The following PDZRN4 variants were observed in gnomAD, a reference collection of about 807,000 sequenced individuals.
PDZRN4 encodes PDZ domain containing ring finger 4.
In PDZRN4, 70 loss-of-function variants were observed where a neutral mutation model predicts 99.0. The ratio of observed to expected loss-of-function variants is 0.71; its 90% CI spans 0.58 to 0.86. The LOEUF (loss-of-function observed/expected upper bound fraction) is 0.86. Among genes scored for constraint, PDZRN4 ranks in the 40% least tolerant of loss-of-function variants. PDZRN4 has a pLI of 0.00. For synonymous variants in PDZRN4, 551 were observed against 501.6 expected (o/e 1.10, Z -1.32); for missense variants, 1,474 against 1,331.2 (o/e 1.11, Z -1.67).
At chr12:41,553,517 T>C (rs285583) in intron 6 of PDZRN4, among the ~76,000 whole-genome samples, 130,139 of 151,432 alleles carry the variant, frequency 0.86, 56,400 homozygotes, top group East Asian at 0.97. Context: ...GGAGTTTGAC[T>C]CTGTCTCTAC....
chr12:41,258,096 T>C (rs1951215350), intron 3 of PDZRN4, among the ~76,000 whole-genome samples: 1 of 152,150 alleles, frequency 6.6e-6, no homozygotes. Context: ...CTACTCCCTG[T>C]GTAATAACTT....
At chr12:41,458,570 C>T (rs781164729) in intron 3 of PDZRN4, among the ~76,000 whole-genome samples, 3 of 152,154 alleles carry the variant, frequency 2.0e-5, no homozygotes, top group Non-Finnish European at 4.4e-5. Context: ...CTAAGTAGGG[C>T]AGGAAATTTT....
intron 3 of PDZRN4, among the ~76,000 whole-genome samples, chr12:41,467,100 G>A (rs750038609): frequency 3.3e-5 from 5 of 152,126 alleles, no homozygotes; most frequent in Non-Finnish European, 5.9e-5. Context: ...GCATTACAGC[G>A]CAAAATAGCT....
At chr12:41,433,533 G>A (rs151051229) in intron 3 of PDZRN4, among the ~76,000 whole-genome samples, 2 of 152,318 alleles carry the variant, frequency 1.3e-5, no homozygotes, top group African/African-American at 4.8e-5. Context: ...CTAGAAATTT[G>A]TAAGCCACAT....
chr12:41,384,705 G>A (rs1952154563), intron 3 of PDZRN4, among the ~76,000 whole-genome samples: 1 of 152,096 alleles, frequency 6.6e-6, no homozygotes, highest in Non-Finnish European at 1.5e-5. Flanking sequence ...AGGCAAAAAG[G>A]ACAGGCTCTG....
chr12:41,449,702 T>G (rs1385191557), intron 3 of PDZRN4, among the ~76,000 whole-genome samples: 1 of 152,202 alleles, frequency 6.6e-6, no homozygotes, highest in East Asian at 1.9e-4. Flanking sequence ...AAAATTAAAA[T>G]AAGGCATCTA....
intron 3 of PDZRN4, among the ~76,000 whole-genome samples, chr12:41,382,963 TG>T (rs1952137941): frequency 6.6e-6 from 1 of 152,218 alleles, no homozygotes; most frequent in Non-Finnish European, 1.5e-5. Flanking sequence ...CCTTTTCATA[TG>T]TTTTTTTCTC....
rs193261667 is a variant in PDZRN4, at chr12:41,352,077, A to T, written c.844-154379A>T. Among the ~76,000 whole-genome samples the T allele has an allele frequency of 7.2e-5, 11 of 152,218 alleles. No homozygotes were observed. The East Asian group carries it at 2.1e-3, about 29-fold the overall frequency. ...TAGCATGAAAACTAAGGAGGTGACTATTTGAAAAAAGTGGGGATGTATTGG... is the reference window on the plus strand; with the variant it reads ...TAGCATGAAAACTAAGGAGGTGACTTTTTGAAAAAAGTGGGGATGTATTGG... On this transcript the variant is annotated intron_variant, in intron 3 of 9. Transcript: ENST00000402685.
At chr12:41,465,151 A>G (rs139248663) in intron 3 of PDZRN4, among the ~76,000 whole-genome samples, 2 of 152,196 alleles carry the variant, frequency 1.3e-5, no homozygotes, top group Non-Finnish European at 2.9e-5. Context: ...ATCCCCTAAG[A>G]CAGTGAATAT....
At chr12:41,397,289 A>G (rs1268456498) in intron 3 of PDZRN4, among the ~76,000 whole-genome samples, 1 of 152,128 alleles carries the variant, frequency 6.6e-6, no homozygotes, top group African/African-American at 2.4e-5. Flanking sequence ...GTGATTTCTA[A>G]GGATGTGTTT....
rs536764025 is a variant in PDZRN4, at chr12:41,386,514, G to A, written c.844-119942G>A. The stretch of plus-strand genomic sequence containing the variant: ...GAAAAACATTCCATGCTCATGGATA[G>A]GAAGAATCAATATTGTTATAACGGC... On this transcript the variant is annotated intron_variant, in intron 3 of 9. Coordinates refer to ENST00000402685, the MANE Select transcript of PDZRN4 (RefSeq NM_001164595.2). Among the ~76,000 whole-genome samples the A allele has an allele frequency of 2.0e-5, 3 of 152,262 alleles. No individual in the cohort carries two copies. In the East Asian group the frequency reaches 5.8e-4, roughly 29 times the overall value.
At chr12:41,248,950 TCATGGTTATTATATGAACCATATATG>T (rs1273085144) in intron 3 of PDZRN4, among the ~76,000 whole-genome samples, 6 of 152,170 alleles carry the variant, frequency 3.9e-5, no homozygotes, top group Non-Finnish European at 7.4e-5. Context: ...CATTTAGATT[TCATGGTTATTATATGAACCATATATG>T]CATAGTACTT....
At chr12:41,252,110 T>C (rs1951174969) in intron 3 of PDZRN4, among the ~76,000 whole-genome samples, 2 of 148,776 alleles carry the variant, frequency 1.3e-5, no homozygotes, top group African/African-American at 4.9e-5. Context: ...AGCAAGACCC[T>C]GTTTTAAATA....
chr12:41,335,553 G>T (rs1951767071), intron 3 of PDZRN4, among the ~76,000 whole-genome samples: 1 of 152,140 alleles, frequency 6.6e-6, no homozygotes, highest in East Asian at 1.9e-4. Flanking sequence ...TTGAAGGAAG[G>T]TATTGAAGAT....
chr12:41,262,331 G>A (rs1208220987), intron 3 of PDZRN4, among the ~76,000 whole-genome samples: 1 of 152,148 alleles, frequency 6.6e-6, no homozygotes, highest in Non-Finnish European at 1.5e-5. Flanking sequence ...GCTGGCCCTT[G>A]TCTGATGTGT....
intron 3 of PDZRN4, among the ~76,000 whole-genome samples, chr12:41,403,656 CT>C (rs1952321050): frequency 6.6e-6 from 1 of 152,066 alleles, no homozygotes; most frequent in Non-Finnish European, 1.5e-5. Context: ...AAAAGTTTGG[CT>C]TTACATTTCA....
At chr12:41,387,093 T>C (rs562482450) in intron 3 of PDZRN4, among the ~76,000 whole-genome samples, 1 of 152,018 alleles carries the variant, frequency 6.6e-6, no homozygotes, top group Non-Finnish European at 1.5e-5. Flanking sequence ...CCAAAAACAA[T>C]GGCAATAAAA....
intron 3 of PDZRN4, among the ~76,000 whole-genome samples, chr12:41,313,834 G>T (rs942063581): frequency 2.0e-5 from 3 of 152,146 alleles, no homozygotes; most frequent in Admixed American, 6.6e-5. Flanking sequence ...GAATGATTTT[G>T]AACACCTTTA....
At chr12:41,516,813 G>A (rs946211459) in intron 5 of PDZRN4, among the ~76,000 whole-genome samples, 9 of 150,816 alleles carry the variant, frequency 6.0e-5, no homozygotes, top group African/African-American at 2.2e-4. Flanking sequence ...ACAATACATT[G>A]TGTGGTTGTC....
Sources: allele counts gnomAD v4.1 joint callset (sites outside exome capture counted in the v4.1 genomes callset), GRCh38; gene constraint gnomAD v4.1.1; transcripts MANE v1.5; gene names NCBI Gene and HGNC (gene_info 2026-07-23, HGNC 2026-07-21).